The following CYREN variants were observed in gnomAD, a reference collection of about 807,000 sequenced individuals.
CYREN encodes cell cycle regulator of NHEJ.
A neutral mutation model predicts 9.7 loss-of-function variants in CYREN; 7 were observed. The observed-to-expected ratio is 0.72, with a 90% confidence interval of 0.41 to 1.36. The LOEUF (loss-of-function observed/expected upper bound fraction) is 1.36. CYREN is among the 40% of genes most tolerant of loss of function. The pLI, the probability that CYREN is intolerant of heterozygous loss-of-function variation, is 0.01. For missense variants in CYREN, 215 were observed against 198.1 expected, an observed-to-expected ratio of 1.09 and a Z score of -0.51; for synonymous variants, 76 against 77.9, an observed-to-expected ratio of 0.98 and a Z score of 0.13.
At chr7:135,104,235 T>C (rs1183496285) in intron 2 of CYREN, among the ~76,000 whole-genome samples, 2 of 152,180 alleles carry the variant, frequency 1.3e-5, no homozygotes, top group South Asian at 2.1e-4. Flanking sequence ...TGTTCCTGCA[T>C]AGGACATGAT....
intron 2 of CYREN, chr7:135,128,685 G>A (rs1339646792): frequency 7.7e-7 from 1 of 1,290,352 alleles, no homozygotes. Flanking sequence ...CCTGAATATT[G>A]TCTCTCCTTT....
At chr7:135,159,602 T>C (rs918810069) in intron 2 of CYREN, among the ~76,000 whole-genome samples, 1 of 152,256 alleles carries the variant, frequency 6.6e-6, no homozygotes, top group Non-Finnish European at 1.5e-5. Context: ...ATCTGCATCT[T>C]GTTCCAGAGG....
At chr7:135,118,297 T>G (rs562734141) in intron 2 of CYREN, among the ~76,000 whole-genome samples, 3 of 152,196 alleles carry the variant, frequency 2.0e-5, no homozygotes, top group Non-Finnish European at 2.9e-5. Flanking sequence ...TTCAAAGTAT[T>G]AATATATAAG....
At position 135,151,255 on chromosome 7, in the gene CYREN, T is replaced by C. The variant is rs1386019083; in HGVS notation, n.356+17494A>G. 6.6e-6 allele frequency among the ~76,000 whole-genome samples: 1 copy of C among 152,234 alleles called. No individual in the cohort carries two copies. Among genetic ancestry groups the C allele is most frequent in the Admixed American group, 6.5e-5 (1 of 15,282 alleles). On this transcript the variant is annotated intron_variant and non_coding_transcript_variant, in intron 2 of 2. Coordinates refer to the CYREN transcript ENST00000459937. This position sits in a 1 kb window ranked among gnomAD's most constrained non-coding sequence, Gnocchi z 4.3. ...AGGAGCTGCCACCACCTACACACTG[T>C]TGAAAAACACTGCAGTAGCCCTGTT...
downstream of CYREN, among the ~76,000 whole-genome samples, chr7:135,163,577 A>G (rs1830004227): frequency 6.6e-6 from 1 of 152,184 alleles, no homozygotes; most frequent in African/African-American, 2.4e-5. Flanking sequence ...CCCGGGAGGC[A>G]GAGATTGCAG....
intron 2 of CYREN, among the ~76,000 whole-genome samples, chr7:135,131,817 G>GA (rs1205640935): frequency 1.3e-5 from 2 of 151,470 alleles, no homozygotes; most frequent in African/African-American, 4.8e-5. Flanking sequence ...GACAAATAAA[G>GA]AAAAAAAGAC....
At chr7:135,094,628 G>A (rs1203462330) in intron 2 of CYREN, 1 of 432,098 alleles carries the variant, frequency 2.3e-6, no homozygotes, top group African/African-American at 2.0e-5. Flanking sequence ...TACACCCAGA[G>A]CATTCTCCGT....
intron 3 of CYREN, 36 bp from the exon 4 acceptor site, chr7:135,166,907 T>A (rs1056761939): frequency 1.3e-5 from 20 of 1,599,408 alleles, no homozygotes; most frequent in Admixed American, 1.7e-5. Flanking sequence ...TCAACATACG[T>A]GTTTTATTTC....
intron 2 of CYREN, 136 bp from the exon 3 acceptor site, chr7:135,167,943 C>G: frequency 7.0e-7 from 1 of 1,429,116 alleles, no homozygotes; most frequent in Non-Finnish European, 9.4e-7. Flanking sequence ...AGCTGAGGAG[C>G]TTTCTGACAC....
intron 2 of CYREN, among the ~76,000 whole-genome samples, chr7:135,154,601 T>C (rs11971026): frequency 0.49 from 73,775 of 152,050 alleles, 18,257 homozygotes; most frequent in South Asian, 0.66. Context: ...AATTTCTTCA[T>C]TGACCCAGTA....
At chr7:135,134,820 C>T (rs1181390396) in intron 2 of CYREN, 27 of 1,542,726 alleles carry the variant, frequency 1.8e-5, no homozygotes, top group African/African-American at 2.8e-5. Flanking sequence ...CAAAAATTCA[C>T]GTATTTCATT....
chr7:135,164,758 G>A, downstream of CYREN: 2 of 1,614,242 alleles, frequency 1.2e-6, no homozygotes, highest in South Asian at 1.1e-5. Flanking sequence ...CTAGCCCAGT[G>A]CAACAGTGAT....
At chr7:135,159,375 C>T (rs1030940528) in intron 2 of CYREN, among the ~76,000 whole-genome samples, 2 of 152,190 alleles carry the variant, frequency 1.3e-5, no homozygotes, top group Non-Finnish European at 2.9e-5. Context: ...CTCTTTCAGC[C>T]GCCATCCCAT....
chr7:135,155,277 C>T (rs1829762441), intron 2 of CYREN, among the ~76,000 whole-genome samples: 1 of 152,126 alleles, frequency 6.6e-6, no homozygotes, highest in Admixed American at 6.5e-5. Context: ...TTTTTTCATC[C>T]ACTCTGCCAA....
chr7:135,160,551 A>C (rs1829904582), intron 2 of CYREN, among the ~76,000 whole-genome samples: 2 of 152,172 alleles, frequency 1.3e-5, no homozygotes, highest in Admixed American at 6.5e-5. Context: ...TCCATACACA[A>C]GTTCCTGAAT....
downstream of CYREN, among the ~76,000 whole-genome samples, chr7:135,160,819 A>G (rs1034397305): frequency 6.6e-6 from 1 of 152,180 alleles, no homozygotes; most frequent in African/African-American, 2.4e-5. Context: ...ATGACACTAG[A>G]GTGGAGAATA....
intron 2 of CYREN, among the ~76,000 whole-genome samples, chr7:135,159,935 G>A (rs1312857276): frequency 6.6e-6 from 1 of 152,122 alleles, no homozygotes; most frequent in Non-Finnish European, 1.5e-5. Context: ...AACTGCTGGT[G>A]GAAACATAAG....
At chr7:135,171,133 T>A (rs956846408), upstream of CYREN, among the ~76,000 whole-genome samples, 6 of 152,004 alleles carry the variant, frequency 3.9e-5, no homozygotes, top group African/African-American at 1.5e-4. Flanking sequence ...AAGTGGAAAA[T>A]TAAGAAAATA....
At chr7:135,135,246 C>T (rs1377611333) in intron 2 of CYREN, 3 of 1,521,880 alleles carry the variant, frequency 2.0e-6, no homozygotes, top group Non-Finnish European at 2.6e-6. Flanking sequence ...ATCTGAAGTT[C>T]CAAAGGGAGA....
Sources: gnomAD v4.1 joint callset for allele counts (sites outside exome capture counted in the v4.1 genomes callset) on GRCh38, gnomAD v4.1.1 for gene constraint, Gnocchi (gnomAD v3.1) non-coding constraint, MANE v1.5 for transcripts, NCBI Gene and HGNC (gene_info 2026-07-23, HGNC 2026-07-21) for gene names.